Variants in SLC25A53 observed in about 807,000 individuals in gnomAD.
SLC25A53 encodes the protein mitochondrial carrier triple repeat protein 6.
In SLC25A53, 5 loss-of-function variants were observed where a neutral mutation model predicts 15.0. The observed-to-expected ratio is 0.33, with a 90% CI of 0.17 to 0.70. SLC25A53 has a LOEUF of 0.70. SLC25A53 is among the 30% of genes least tolerant of loss of function. The pLI, the probability that SLC25A53 is intolerant of heterozygous loss-of-function variation, is 0.67. For synonymous variants in SLC25A53, 95 were observed against 100.0 expected, an observed-to-expected ratio of 0.95 and a Z score of 0.30; for missense variants, 216 against 241.6, an observed-to-expected ratio of 0.89 and a Z score of 0.70.
intron 1 of SLC25A53, among the ~76,000 whole-genome samples, chrX:104,144,578 A>G (rs1354889735): frequency 8.9e-6 from 1 of 111,754 alleles, no homozygotes; most frequent in Non-Finnish European, 1.9e-5. Context: ...AGCTGTTCCT[A>G]TTCGGCCATC....
intron 1 of SLC25A53, among the ~76,000 whole-genome samples, chrX:104,141,883 C>G (rs2075451606): frequency 8.9e-6 from 1 of 112,121 alleles, no homozygotes; most frequent in Non-Finnish European, 1.9e-5. Flanking sequence ...CCACCACACC[C>G]AGTCCTAGGA....
chrX:104,122,494 G>A (rs979154875), intron 1 of SLC25A53, among the ~76,000 whole-genome samples: 7 of 108,992 alleles, frequency 6.4e-5, no homozygotes, highest in African/African-American at 2.0e-4. Flanking sequence ...CCTTCACCCT[G>A]GCTGAATACC....
At chrX:104,110,243 G>A (rs1234530493) in intron 1 of SLC25A53, among the ~76,000 whole-genome samples, 3 of 111,530 alleles carry the variant, frequency 2.7e-5, no homozygotes, top group Admixed American at 9.5e-5. Flanking sequence ...CAGATGTCAC[G>A]GGATGGGGGA....
At chrX:104,145,248 G>C (rs1556368423) in intron 1 of SLC25A53, among the ~76,000 whole-genome samples, 1 of 112,093 alleles carries the variant, frequency 8.9e-6, no homozygotes, top group Non-Finnish European at 1.9e-5. Flanking sequence ...AAATAAAGAT[G>C]TTCTTTGAAA....
intron 1 of SLC25A53, chrX:104,115,324 G>A (rs2075372793): frequency 8.6e-7 from 1 of 1,157,456 alleles, no homozygotes; most frequent in Non-Finnish European, 1.2e-6. Context: ...GCCACAGTAA[G>A]GATCTAGTCC....
At chrX:104,112,764 G>C (rs1322944100) in intron 1 of SLC25A53, 1 of 112,822 alleles carries the variant, frequency 8.9e-6, no homozygotes, top group Non-Finnish European at 1.9e-5. Context: ...ACAGAGCTGT[G>C]GACGCGGGAG....
chrX:104,109,446 G>C (rs1233240434), intron 1 of SLC25A53, among the ~76,000 whole-genome samples: 2 of 112,417 alleles, frequency 1.8e-5, no homozygotes, highest in African/African-American at 6.5e-5. Context: ...AGTATGGAAA[G>C]TGCTTAGCAC....
intron 1 of SLC25A53, among the ~76,000 whole-genome samples, chrX:104,155,179 G>C (rs1312180427): frequency 2.8e-5 from 3 of 106,831 alleles, no homozygotes; most frequent in Non-Finnish European, 5.8e-5. Context: ...TTTTTTTTGA[G>C]ACAGAGTCTC....
At chrX:104,150,863 T>G (rs1436912052) in intron 1 of SLC25A53, among the ~76,000 whole-genome samples, 1 of 111,516 alleles carries the variant, frequency 9.0e-6, no homozygotes, top group Non-Finnish European at 1.9e-5. Flanking sequence ...TGTAATGCAC[T>G]GAGCAATCAA....
chrX:104,131,974 T>TC (rs1205552220), intron 1 of SLC25A53, among the ~76,000 whole-genome samples: 1 of 111,748 alleles, frequency 8.9e-6, no homozygotes, highest in African/African-American at 3.3e-5. Context: ...AACTTGGACG[T>TC]CATCCTTAAC....
At chrX:104,144,620 T>C (rs782061979) in intron 1 of SLC25A53, among the ~76,000 whole-genome samples, 2 of 111,703 alleles carry the variant, frequency 1.8e-5, no homozygotes, top group Non-Finnish European at 3.8e-5. Flanking sequence ...AGATTTAATA[T>C]TGTAGTTGCC....
At chrX:104,147,252 G>A (rs782796116) in intron 1 of SLC25A53, among the ~76,000 whole-genome samples, 1 of 111,179 alleles carries the variant, frequency 9.0e-6, no homozygotes, top group African/African-American at 3.3e-5. Context: ...CTAGCCATAT[G>A]TAGAAAGCTG....
chrX:104,104,898 G>A lies in SLC25A53; in HGVS notation c.360C>T (p.Ala120=), dbSNP rs79629984. 2.8e-5 allele frequency: 34 copies of A among 1,209,917 alleles called. No homozygotes were observed. The highest frequency in any genetic ancestry group is 1.2e-4 in the East Asian group (4 of 33,757). ...GPHTLGHRWA[A]GLMSGVVEAV... ...CCTCCACCACGCCAGACATGAGCCCGGCAGCCCAGCGGTGTCCCAGGGTGT... is the reference window on the plus strand; with the variant it reads ...CCTCCACCACGCCAGACATGAGCCCAGCAGCCCAGCGGTGTCCCAGGGTGT... The change falls in exon 2 of 2, where the codon GCC becomes GCT. Residue 120 remains alanine (A), a synonymous_variant. Transcript: ENST00000594199.
At position 104,112,817 on chromosome X, in the gene SLC25A53, G is replaced by A. The variant is rs1171289337; in HGVS notation, c.-31-7529C>T. On this transcript the variant is annotated intron_variant, in intron 1 of 1. Coordinates refer to ENST00000594199, the MANE Select transcript of SLC25A53 (RefSeq NM_001012755.5). The stretch of plus-strand genomic sequence containing the variant: ...TGGAGCACAAGTAAAGAAAGAACGC[G>A]CGATTGCCCGGCGCGGAGAGGGGTG... The A allele has an allele frequency of 2.7e-5, 3 of 112,301 alleles. No homozygotes were observed. In the Admixed American group the frequency reaches 2.8e-4, roughly 10 times the overall value. 9.3% of individuals were successfully genotyped at this position (112,301 alleles called of 1,213,427 possible).
At chrX:104,114,302 G>A (rs1337899629) in intron 1 of SLC25A53, 2 of 1,211,279 alleles carry the variant, frequency 1.7e-6, no homozygotes, top group East Asian at 3.0e-5. Flanking sequence ...TTTGAAAACT[G>A]GCTGATCCAA....
At chrX:104,120,527 G>A (rs1418114410) in intron 1 of SLC25A53, among the ~76,000 whole-genome samples, 1 of 111,370 alleles carries the variant, frequency 9.0e-6, no homozygotes. Context: ...AATATAACTG[G>A]TCTTTTGATG....
intron 1 of SLC25A53, chrX:104,114,765 G>A: frequency 1.7e-6 from 2 of 1,211,959 alleles, no homozygotes. Flanking sequence ...TGATAAGGGA[G>A]GAAGAGGATT....
At chrX:104,133,655 T>C (rs1556365889) in intron 1 of SLC25A53, among the ~76,000 whole-genome samples, 2 of 111,904 alleles carry the variant, frequency 1.8e-5, no homozygotes, top group African/African-American at 6.5e-5. Context: ...TGAACACAGA[T>C]TTAATTAGGA....
intron 1 of SLC25A53, among the ~76,000 whole-genome samples, chrX:104,152,412 A>G (rs1391497199): frequency 9.2e-6 from 1 of 108,860 alleles, no homozygotes; most frequent in Admixed American, 9.8e-5. Context: ...TGAACTCATC[A>G]TTTTTTATGG....
Sources: gnomAD v4.1 joint callset for allele counts (sites outside exome capture counted in the v4.1 genomes callset) on GRCh38, gnomAD v4.1.1 for gene constraint, MANE v1.5 for transcripts, NCBI Gene and HGNC (gene_info 2026-07-23, HGNC 2026-07-21) for gene names.